FGF14: variants seen among roughly 807,000 people sequenced by gnomAD.
FGF14 encodes the protein fibroblast growth factor homologous factor 4.
Under a neutral mutation model 25.5 loss-of-function variants are expected in FGF14, and 5 were observed. The observed-to-expected ratio is 0.20, with a 90% CI of 0.10 to 0.41. The LOEUF is 0.41. FGF14 is among the 10% of genes least tolerant of loss of function. The probability of loss-of-function intolerance (pLI) is 1.00; values close to 1 mark genes in which losing one functional copy is unlikely to be tolerated. For missense variants in FGF14, 222 were observed against 320.1 expected (o/e 0.69, Z 2.34); for synonymous variants, 138 against 118.3 (o/e 1.17, Z -1.08).
chr13:102,014,451 A>C (rs190645099), intron 1 of FGF14, among the ~76,000 whole-genome samples: 1 of 152,296 alleles, frequency 6.6e-6, no homozygotes, highest in African/African-American at 2.4e-5. Flanking sequence ...AGGAAGTGAT[A>C]AGATTGTGTC....
chr13:101,893,560 T>G (rs1318984952), intron 1 of FGF14, among the ~76,000 whole-genome samples: 1 of 151,970 alleles, frequency 6.6e-6, no homozygotes, highest in Admixed American at 6.6e-5. Context: ...GTGTGTCCAG[T>G]GTAATAACAG....
At chr13:101,759,245 G>A (rs980415901) in intron 3 of FGF14, among the ~76,000 whole-genome samples, 2 of 152,128 alleles carry the variant, frequency 1.3e-5, no homozygotes, top group African/African-American at 4.8e-5. Context: ...ATGTCATGTG[G>A]CCAATGAGAT....
At chr13:102,374,162 C>CGT (rs2057966370) in intron 1 of FGF14, among the ~76,000 whole-genome samples, 1 of 152,062 alleles carries the variant, frequency 6.6e-6, no homozygotes, top group Non-Finnish European at 1.5e-5. Flanking sequence ...AGGAATACAT[C>CGT]GTTACAGTCA....
At chr13:102,315,435 A>G (rs983564415) in intron 1 of FGF14, among the ~76,000 whole-genome samples, 6 of 151,956 alleles carry the variant, frequency 3.9e-5, no homozygotes, top group African/African-American at 1.5e-4. Flanking sequence ...TGCCTGTAAC[A>G]TTTCACTGCA....
In FGF14 at chr13:101,896,944, C is replaced by A. The variant is rs916684717; in HGVS notation, c.193+19509G>T. Among the ~76,000 whole-genome samples the A allele has an allele frequency of 2.6e-5, 4 of 152,012 alleles. No homozygotes were observed. The South Asian group carries it at 8.3e-4, about 32-fold the overall frequency. ...GATAATCATTGAAACTGCTTCTAGG[C>A]AAGACATAAGAAAATATACTAGAGA... On this transcript the variant is annotated intron_variant, in intron 1 of 4. Coordinates refer to ENST00000376143, the MANE Select transcript of FGF14 (RefSeq NM_004115.4).
intron 3 of FGF14, among the ~76,000 whole-genome samples, chr13:101,771,085 G>A (rs2038739988): frequency 6.6e-6 from 1 of 151,974 alleles, no homozygotes; most frequent in Non-Finnish European, 1.5e-5. Flanking sequence ...ATATTGTAGA[G>A]GATGCTTAAT....
At chr13:101,843,008 T>C (rs2043266987) in intron 3 of FGF14, among the ~76,000 whole-genome samples, 1 of 152,048 alleles carries the variant, frequency 6.6e-6, no homozygotes, top group Non-Finnish European at 1.5e-5. Flanking sequence ...TACGGAAACA[T>C]ACACACGATT....
intron 1 of FGF14, among the ~76,000 whole-genome samples, chr13:102,025,672 G>A (rs1380883777): frequency 6.6e-6 from 1 of 152,052 alleles, no homozygotes; most frequent in East Asian, 1.9e-4. Context: ...GACTCCCAAA[G>A]TGCTGCGATT....
At chr13:102,205,912 C>T (rs1302506941) in intron 1 of FGF14, among the ~76,000 whole-genome samples, 1 of 143,014 alleles carries the variant, frequency 7.0e-6, no homozygotes, top group Admixed American at 7.5e-5. Flanking sequence ...CTAGACTATC[C>T]AGTTGGGGTG....
chr13:101,825,404 A>C (rs1347060391), intron 3 of FGF14, among the ~76,000 whole-genome samples: 1 of 152,232 alleles, frequency 6.6e-6, no homozygotes, highest in Non-Finnish European at 1.5e-5. Flanking sequence ...CATGGATTTC[A>C]ACACAATCCT....
At chr13:102,289,078 A>G (rs1324713991) in intron 1 of FGF14, among the ~76,000 whole-genome samples, 1 of 152,126 alleles carries the variant, frequency 6.6e-6, no homozygotes, top group Admixed American at 6.6e-5. Context: ...AACATCAGAG[A>G]AGTAGGGATT....
chr13:102,162,285 G>A (rs2047811986), intron 1 of FGF14, among the ~76,000 whole-genome samples: 2 of 152,066 alleles, frequency 1.3e-5, no homozygotes, highest in African/African-American at 4.8e-5. Context: ...TTATAAGAAT[G>A]GATCACAGGA....
chr13:102,098,217 A>T (rs2044496731), intron 1 of FGF14, among the ~76,000 whole-genome samples: 1 of 152,228 alleles, frequency 6.6e-6, no homozygotes, highest in Non-Finnish European at 1.5e-5. Context: ...AGCACCCTGC[A>T]TCTATGCAGA....
intron 1 of FGF14, among the ~76,000 whole-genome samples, chr13:102,024,767 G>C (rs2040840533): frequency 6.6e-6 from 1 of 151,650 alleles, no homozygotes; most frequent in Admixed American, 6.6e-5. Flanking sequence ...TTTGTATATG[G>C]TGTGAGGTAA....
intron 1 of FGF14, among the ~76,000 whole-genome samples, chr13:101,985,069 GT>G (rs1226090096): frequency 1.3e-4 from 15 of 118,228 alleles, no homozygotes; most frequent in East Asian, 3.0e-4. Context: ...GAATTCAAGG[GT>G]TTTTTTTTTG....
intron 3 of FGF14, among the ~76,000 whole-genome samples, chr13:101,768,155 C>A (rs551077070): frequency 6.6e-6 from 1 of 151,944 alleles, no homozygotes; most frequent in Non-Finnish European, 1.5e-5. Context: ...ATAATACATA[C>A]CTTAAAATCA....
At chr13:102,096,016 T>TATAA (rs1273841971) in intron 1 of FGF14, among the ~76,000 whole-genome samples, 19 of 147,058 alleles carry the variant, frequency 1.3e-4, no homozygotes, top group East Asian at 7.9e-4. Context: ...TATATATATA[T>TATAA]AATATATTTC....
chr13:102,007,754 A>G (rs1423401023), intron 1 of FGF14, among the ~76,000 whole-genome samples: 3 of 152,214 alleles, frequency 2.0e-5, no homozygotes, highest in Non-Finnish European at 2.9e-5. Context: ...GGGGTTATTA[A>G]CTTTTCACTC....
intron 1 of FGF14, among the ~76,000 whole-genome samples, chr13:101,904,503 C>T (rs2031991959): frequency 6.6e-6 from 1 of 152,126 alleles, no homozygotes; most frequent in Non-Finnish European, 1.5e-5. Context: ...ATGGATATTG[C>T]AAAGTGCTGT....
Sources: allele counts gnomAD v4.1 joint callset (sites outside exome capture counted in the v4.1 genomes callset), GRCh38; gene constraint gnomAD v4.1.1; transcripts MANE v1.5; gene names NCBI Gene and HGNC (gene_info 2026-07-23, HGNC 2026-07-21).